NUP188: variants seen among roughly 807,000 people sequenced by gnomAD.
NUP188 encodes nucleoporin 188.
A neutral mutation model predicts 223.0 loss-of-function variants in NUP188; 97 were observed. That is an observed-to-expected ratio of 0.43 (90% confidence interval 0.37 to 0.51). NUP188 has a LOEUF of 0.51. NUP188 is among the 20% of genes least tolerant of loss of function. NUP188 has a pLI of 0.00. For missense variants in NUP188, 1,947 were observed against 2,175.6 expected, an observed-to-expected ratio of 0.89 and a Z score of 2.09; for synonymous variants, 869 against 828.0, an observed-to-expected ratio of 1.05 and a Z score of -0.85.
chr9:128,972,890 A>G (rs1280873072), intron 11 of NUP188, among the ~76,000 whole-genome samples: 1 of 152,134 alleles, frequency 6.6e-6, no homozygotes, highest in Non-Finnish European at 1.5e-5. Context: ...TAGGCTGGAT[A>G]TGGTTTTCTT....
intron 8 of NUP188, among the ~76,000 whole-genome samples, chr9:128,966,156 T>TGTGTGTGTGTGTGC (rs1842025248): frequency 6.6e-6 from 1 of 151,282 alleles, no homozygotes; most frequent in African/African-American, 2.4e-5. Flanking sequence ...TGTGTGTGTG[T>TGTGTGTGTGTGTGC]GTGTGTGTGT....
At chr9:129,002,161 G>C (rs576285395) in intron 36 of NUP188, among the ~76,000 whole-genome samples, 185 bp downstream of exon 36, 1 of 152,248 alleles carries the variant, frequency 6.6e-6, no homozygotes, top group Non-Finnish European at 1.5e-5. Context: ...AAAAGGCACC[G>C]CCTGGCCTTT....
chr9:128,968,273 TA>T (rs34435452), intron 8 of NUP188, among the ~76,000 whole-genome samples: 17 of 148,176 alleles, frequency 1.1e-4, no homozygotes, highest in African/African-American at 1.5e-4. Context: ...ATCTGTCTCT[TA>T]AAAAAAAAAA....
At chr9:128,980,802 C>G (rs1391095397) in intron 14 of NUP188, 77 bp downstream of exon 14, 1 of 1,501,650 alleles carries the variant, frequency 6.7e-7, no homozygotes, top group East Asian at 2.3e-5. Flanking sequence ...TTTTTGCTTT[C>G]CACATTGCAG....
At chr9:128,999,429 T>G in intron 33 of NUP188, 112 bp downstream of exon 33, 1 of 1,434,590 alleles carries the variant, frequency 7.0e-7, no homozygotes, top group South Asian at 1.3e-5. Flanking sequence ...ACTTTTGAGT[T>G]TCCAGTCATG....
At position 128,953,848 on chromosome 9, in the gene NUP188, T is replaced by C. The variant is rs1341552759; in HGVS notation, c.161+1002T>C. Among the ~76,000 whole-genome samples the C allele has an allele frequency of 2.6e-5, 4 of 152,036 alleles. No individual in the cohort carries two copies. The East Asian group carries it at 7.7e-4, about 29-fold the overall frequency. On this transcript the variant is annotated intron_variant, in intron 3 of 43. Coordinates refer to ENST00000372577, the MANE Select transcript of NUP188 (RefSeq NM_015354.3). The stretch of plus-strand genomic sequence containing the variant: ...CCAGTGTCTGTTCTTTTTTTTTTTT[T>C]GAGATGGGGTTTTGCTCTGTCGCCC...
chr9:128,982,571 A>G lies in NUP188; in HGVS notation c.1539A>G (p.Ile513Met). 3 of 1,612,742 alleles carry G rather than the reference A, an allele frequency of 1.9e-6. No homozygotes were observed. Among genetic ancestry groups the G allele is most frequent in the Non-Finnish European group, 2.5e-6 (3 of 1,179,568 alleles). Residue 513 changes from isoleucine to methionine, a missense_variant, in exon 16 of 44, where the codon ATA becomes ATG. Around this residue, in one of 3 missense-constraint regions of NUP188, gnomAD observed 817 missense variants for 865.8 expected, o/e 0.94. Coordinates refer to ENST00000372577, the MANE Select transcript of NUP188 (RefSeq NM_015354.3). ...CAGGGGGTCAAACCAACCTTCGCAT[A>G]CCTCAAGGCACTGTGGGCCAAGTAA... ...YPLGGQTNLR[I>M]PQGTVGQVML...
chr9:128,973,934 G>A (rs932839068), intron 12 of NUP188, among the ~76,000 whole-genome samples: 3 of 151,408 alleles, frequency 2.0e-5, no homozygotes, highest in Non-Finnish European at 4.4e-5. Flanking sequence ...TTTTTGAGGC[G>A]GAGTCTTGCT....
chr9:128,966,481 A>G (rs1564553700), intron 8 of NUP188, among the ~76,000 whole-genome samples: 1 of 151,594 alleles, frequency 6.6e-6, no homozygotes, highest in African/African-American at 2.4e-5. Flanking sequence ...GGCTCAGGTA[A>G]TCCTCCTACC....
intron 5 of NUP188, among the ~76,000 whole-genome samples, chr9:128,957,677 G>C (rs1841890441): frequency 6.6e-6 from 1 of 152,074 alleles, no homozygotes; most frequent in Admixed American, 6.6e-5. Context: ...TGTTAGCCAG[G>C]ATGGTCTCAA....
At chr9:128,952,986 CAGT>C (rs1841815455) in intron 3 of NUP188, 140 bp downstream of exon 3, 2 of 646,838 alleles carry the variant, frequency 3.1e-6, no homozygotes, top group East Asian at 2.9e-5. Flanking sequence ...CAGTGGAAAA[CAGT>C]AGGGTACATT....
intron 8 of NUP188, among the ~76,000 whole-genome samples, chr9:128,965,303 T>A (rs1842012338): frequency 6.6e-6 from 1 of 152,194 alleles, no homozygotes; most frequent in Non-Finnish European, 1.5e-5. Flanking sequence ...TTGTATCTTT[T>A]AAGGAATTTG....
chr9:128,995,003 G>A, intron 29 of NUP188, 80 bp downstream of exon 29: 1 of 1,054,400 alleles, frequency 9.5e-7, no homozygotes, highest in Non-Finnish European at 1.5e-6. Context: ...GTGCATGGCT[G>A]GAAGAGCCAA....
At chr9:128,961,590 C>CTAGATAGA (rs547085125) in intron 8 of NUP188, among the ~76,000 whole-genome samples, 17,240 of 137,640 alleles carry the variant, frequency 0.13, 1,609 homozygotes, top group African/African-American at 0.23. Flanking sequence ...ATCTATCTAT[C>CTAGATAGA]TAGATAGATA....
In NUP188 at chr9:128,973,141, G is replaced by T; in HGVS notation, c.1114-19G>T. 1 of 1,555,378 alleles carries T rather than the reference G, an allele frequency of 6.4e-7. No individual in the cohort carries two copies. The highest frequency in any genetic ancestry group is 1.1e-5 in the South Asian group (1 of 89,104). On this transcript the variant is annotated intron_variant, in intron 11 of 43. Coordinates refer to ENST00000372577, the MANE Select transcript of NUP188 (RefSeq NM_015354.3). ...GTTGTATTACTCAGAATGATTCACT[G>T]ACTCCTTTGTCATTCCAGTGCACCA...
At position 128,998,282 on chromosome 9, in the gene NUP188, C is replaced by T. The variant is rs373140122; in HGVS notation, c.3429+54C>T. On this transcript the variant is annotated intron_variant, in intron 31 of 43. Transcript: ENST00000372577. ...CTCCCAGGGAGGTTGTCTTTGAAGT[C>T]AAATAGCAGAGGTCATGAGTCTGCC... is the stretch of plus-strand genomic sequence containing the variant. The T allele has an allele frequency of 2.1e-6, 3 of 1,462,296 alleles. No homozygotes were observed. In the African/African-American group the frequency reaches 4.2e-5, roughly 20 times the overall value. The allele number at this position is 1,462,296 out of a possible 1,614,324, so 90.6% of individuals were successfully genotyped here.
chr9:128,986,594 C>A lies in NUP188; in HGVS notation c.2113C>A (p.Pro705Thr). The A allele has an allele frequency of 6.2e-7, 1 of 1,614,096 alleles. No homozygotes were observed. The change falls in exon 21 of 44, where the codon CCC becomes ACC. Residue 705 changes from proline (P) to threonine (T), a missense_variant. Physicochemically the swap from Pro to Thr is conservative, Grantham distance 38 (BLOSUM62 -1). Coordinates refer to ENST00000372577, the MANE Select transcript of NUP188 (RefSeq NM_015354.3). ...LGSTQSQGLV[P>T]CVMFVLKEML... ...TAGTACCCAGAGCCAAGGACTTGTA[C>A]CCTGTGTAATGTTTGTGCTGAAGGA...
chr9:128,974,386 G>GTTTT (rs1030115637), intron 12 of NUP188, among the ~76,000 whole-genome samples: 1 of 130,546 alleles, frequency 7.7e-6, no homozygotes, highest in South Asian at 2.4e-4. Flanking sequence ...GCAGCAGGTT[G>GTTTT]TTGTTTTTTT....
rs1325145495 is a variant in NUP188 at position 128,967,658 on chromosome 9, C to T, written c.586-848C>T. Among the ~76,000 whole-genome samples, 7 of 152,044 alleles carry T rather than the reference C, an allele frequency of 4.6e-5. No individual in the cohort carries two copies. In the South Asian group the frequency reaches 1.2e-3, roughly 27 times the overall value. On this transcript the variant is annotated intron_variant, in intron 8 of 43. Coordinates refer to ENST00000372577, the MANE Select transcript of NUP188 (RefSeq NM_015354.3). ...GAAAAAAATCAGCCGGGCGTGGTGG[C>T]AGGCGCCTGTAATCCCAGCTACTCG...
Sources: allele counts gnomAD v4.1 joint callset (sites outside exome capture counted in the v4.1 genomes callset), GRCh38; gene constraint gnomAD v4.1.1; regional missense constraint gnomAD v4.1.1; transcripts MANE v1.5; gene names NCBI Gene and HGNC (gene_info 2026-07-23, HGNC 2026-07-21).